The following GPC5 variants were observed in gnomAD, a reference collection of about 807,000 sequenced individuals.
GPC5 encodes the protein glypican 5.
GPC5 carries 47 observed loss-of-function variants against 53.9 expected under a neutral mutation model. The ratio of observed to expected loss-of-function variants is 0.87; its 90% CI spans 0.69 to 1.11. The LOEUF (loss-of-function observed/expected upper bound fraction) is 1.11. GPC5 is among the 50% of genes most tolerant of loss of function. GPC5 has a pLI of 0.00. For synonymous variants in GPC5, 286 were observed against 263.3 expected (o/e 1.09, Z -0.84); for missense variants, 748 against 713.1 (o/e 1.05, Z -0.56).
intron 2 of GPC5, among the ~76,000 whole-genome samples, chr13:91,490,005 C>A (rs1883848821): frequency 6.6e-6 from 1 of 152,162 alleles, no homozygotes. Flanking sequence ...GCACCTAGTG[C>A]AACTCCTTTT....
intron 7 of GPC5, among the ~76,000 whole-genome samples, chr13:92,233,624 T>C (rs1047335736): frequency 1.3e-5 from 2 of 152,214 alleles, no homozygotes; most frequent in Non-Finnish European, 2.9e-5. Flanking sequence ...CCATTATGTT[T>C]GTTAATTTTT....
intron 6 of GPC5, among the ~76,000 whole-genome samples, chr13:92,009,886 C>G (rs1165491796): frequency 1.3e-5 from 2 of 152,150 alleles, no homozygotes; most frequent in Non-Finnish European, 2.9e-5. Context: ...CCATATTTCA[C>G]AGTTGCTTTC....
Position 92,144,953 on chromosome 13 carries a change from A to C in GPC5, c.1525A>C (p.Ser509Arg). The change falls in exon 7 of 8, where the codon AGT becomes CGT. Residue 509 changes from serine to arginine, a missense_variant. Physicochemically the swap from Ser to Arg is moderately radical, Grantham distance 110 (BLOSUM62 -1). Transcript: ENST00000377067. The stretch of plus-strand genomic sequence containing the variant: ...TGAAGATGGTTGCGGGGGATCAGGA[A>C]GTGGAGAAGTCAAGAGGACACTGAA... ...DDEDGCGGSG[S>R]GEVKRTLKIT... 1 of 1,571,024 alleles carries C rather than the reference A, an allele frequency of 6.4e-7. No individual in the cohort carries two copies. Among genetic ancestry groups the C allele is most frequent in the Non-Finnish European group, 8.6e-7 (1 of 1,162,406 alleles).
At chr13:91,515,542 TG>T (rs1479523664) in intron 2 of GPC5, among the ~76,000 whole-genome samples, 1 of 152,194 alleles carries the variant, frequency 6.6e-6, no homozygotes. Context: ...CATAAAGTTT[TG>T]TTTGACCCCA....
At chr13:92,352,286 AC>A (rs1466293567) in intron 7 of GPC5, among the ~76,000 whole-genome samples, 1 of 152,232 alleles carries the variant, frequency 6.6e-6, no homozygotes, top group African/African-American at 2.4e-5. Flanking sequence ...ATGTCAAAAA[AC>A]GTGGCTAAAA....
At chr13:92,149,232 T>C (rs2041890172) in intron 7 of GPC5, among the ~76,000 whole-genome samples, 1 of 152,048 alleles carries the variant, frequency 6.6e-6, no homozygotes, top group African/African-American at 2.4e-5. Flanking sequence ...TTATCATGTC[T>C]ATTGACAACT....
chr13:91,849,017 A>T (rs1378468471), intron 5 of GPC5, among the ~76,000 whole-genome samples: 1 of 152,214 alleles, frequency 6.6e-6, no homozygotes, highest in East Asian at 1.9e-4. Flanking sequence ...GAGAGGGCAG[A>T]TCGACAACTG....
chr13:92,233,586 T>G (rs1193652006), intron 7 of GPC5, among the ~76,000 whole-genome samples: 1 of 152,220 alleles, frequency 6.6e-6, no homozygotes, highest in African/African-American at 2.4e-5. Flanking sequence ...GTATCTGATG[T>G]GGTGCTATAT....
chr13:92,327,998 T>C (rs192213853), intron 7 of GPC5, among the ~76,000 whole-genome samples: 1 of 152,268 alleles, frequency 6.6e-6, no homozygotes, highest in African/African-American at 2.4e-5. Flanking sequence ...CCTGATCCTC[T>C]TTGAAATGTA....
At position 91,448,759 on chromosome 13, in the gene GPC5, A is replaced by G. The variant is rs1364531996; in HGVS notation, c.164-2A>G. On this transcript the variant is annotated splice_acceptor_variant, in intron 1 of 7. Transcript: ENST00000377067. LOFTEE classifies it high-confidence loss of function. ...CATTCTGAAAAATGTTGTGTGTTCC[A>G]GGACCTGATCTTCAGGTTTGCATAT... 1 of 1,611,364 alleles carries G rather than the reference A, an allele frequency of 6.2e-7. No individual in the cohort carries two copies.
intron 7 of GPC5, among the ~76,000 whole-genome samples, chr13:92,389,755 C>T (rs1281047498): frequency 6.6e-6 from 1 of 152,090 alleles, no homozygotes; most frequent in Non-Finnish European, 1.5e-5. Context: ...GCAGGACAGT[C>T]AGTGAGGCCA....
At chr13:92,242,627 C>A (rs1255091579) in intron 7 of GPC5, among the ~76,000 whole-genome samples, 2 of 152,048 alleles carry the variant, frequency 1.3e-5, no homozygotes, top group African/African-American at 2.4e-5. Flanking sequence ...AGAGTCATGA[C>A]AAACCTAAAC....
intron 7 of GPC5, among the ~76,000 whole-genome samples, chr13:92,605,576 G>GTT (rs55887927): frequency 0.035 from 4,956 of 139,618 alleles, 171 homozygotes; most frequent in Admixed American, 0.1. Context: ...GTATTCACTA[G>GTT]TTTTTTTTTT....
intron 6 of GPC5, among the ~76,000 whole-genome samples, chr13:92,144,488 A>G (rs1313517857): frequency 6.6e-6 from 1 of 152,204 alleles, no homozygotes. Flanking sequence ...AGGGAGTACT[A>G]GAATTTGATT....
intron 7 of GPC5, among the ~76,000 whole-genome samples, chr13:92,270,001 G>A (rs9523570): frequency 1.3e-5 from 2 of 151,890 alleles, no homozygotes; most frequent in Admixed American, 6.6e-5. Flanking sequence ...GGAGACCCTT[G>A]TACTTTTCTG....
rs1208017066 is a variant in GPC5, at chr13:92,864,536, A to G, written c.1562-1746A>G. Among the ~76,000 whole-genome samples, 5 of 152,084 alleles carry G rather than the reference A, an allele frequency of 3.3e-5. No individual in the cohort carries two copies. The East Asian group carries it at 7.7e-4, about 23-fold the overall frequency. On this transcript the variant is annotated intron_variant, in intron 7 of 7. Transcript: ENST00000377067. ...TTAAAAATGAAAAGTAAATCCTGTAATGCTCAAATTTATGTAGTTATCTTA... is the reference window on the plus strand; with the variant it reads ...TTAAAAATGAAAAGTAAATCCTGTAGTGCTCAAATTTATGTAGTTATCTTA...
intron 6 of GPC5, among the ~76,000 whole-genome samples, chr13:91,981,931 C>T (rs1357514840): frequency 2.0e-5 from 3 of 152,038 alleles, no homozygotes; most frequent in Non-Finnish European, 2.9e-5. Context: ...TGATGAGAGG[C>T]TGGAACAGAA....
chr13:92,067,619 T>A (rs1300425768), intron 6 of GPC5, among the ~76,000 whole-genome samples: 1 of 152,052 alleles, frequency 6.6e-6, no homozygotes, highest in Non-Finnish European at 1.5e-5. Context: ...TGTGTAAGTA[T>A]GCAAATAACT....
chr13:91,417,313 A>C (rs1594060497), intron 1 of GPC5, among the ~76,000 whole-genome samples: 1 of 152,262 alleles, frequency 6.6e-6, no homozygotes, highest in East Asian at 1.9e-4. Flanking sequence ...AAAGATTTAG[A>C]GATCATTGGG....
Sources: gnomAD v4.1 joint callset for allele counts (sites outside exome capture counted in the v4.1 genomes callset) on GRCh38, gnomAD v4.1.1 for gene constraint, MANE v1.5 for transcripts, NCBI Gene and HGNC (gene_info 2026-07-23, HGNC 2026-07-21) for gene names.